The following ATRN variants were observed in gnomAD, a reference collection of about 807,000 sequenced individuals.
ATRN encodes attractin.
Under a neutral mutation model 178.7 loss-of-function variants are expected in ATRN, and 54 were observed. The ratio of observed to expected loss-of-function variants is 0.30; its 90% confidence interval spans 0.24 to 0.38. The LOEUF is 0.38. ATRN is among the 10% of genes least tolerant of loss of function. The probability of loss-of-function intolerance (pLI) is 1.00; values close to 1 mark genes in which losing one functional copy is unlikely to be tolerated. For synonymous variants in ATRN, 636 were observed against 663.0 expected, an observed-to-expected ratio of 0.96 and a Z score of 0.63; for missense variants, 1,443 against 1,815.1, an observed-to-expected ratio of 0.79 and a Z score of 3.73.
intron 1 of ATRN, chr20:3,490,146 G>A (rs2084766012): frequency 6.7e-7 from 1 of 1,494,058 alleles, no homozygotes; most frequent in Admixed American, 1.7e-5. Flanking sequence ...TGACTCCAGG[G>A]ACTTTCCTTT....
chr20:3,494,618 A>G (rs1291040067), intron 1 of ATRN, among the ~76,000 whole-genome samples: 3 of 152,196 alleles, frequency 2.0e-5, no homozygotes, highest in East Asian at 1.9e-4. Flanking sequence ...GAAAGAGTCA[A>G]TAATTTTTGG....
chr20:3,618,049 G>C (rs1479051414), intron 24 of ATRN, among the ~76,000 whole-genome samples: 2 of 152,204 alleles, frequency 1.3e-5, no homozygotes, highest in Non-Finnish European at 1.5e-5. Flanking sequence ...CCGCCCTTCA[G>C]TGGGCTATGG....
At chr20:3,504,690 TAATAATAA>T (rs1444847192) in intron 1 of ATRN, among the ~76,000 whole-genome samples, 1 of 12,742 alleles carries the variant, frequency 7.8e-5, no homozygotes, top group African/African-American at 9.3e-4. Context: ...TGTCTTAAGA[TAATAATAA>T]TAATAATAAT....
intron 3 of ATRN, 42 bp downstream of exon 3, chr20:3,540,377 T>C (rs767078489): frequency 7.8e-7 from 1 of 1,282,796 alleles, no homozygotes; most frequent in Non-Finnish European, 1.1e-6. Flanking sequence ...GTTTGATTTC[T>C]AAATTTAAAC....
intron 25 of ATRN, chr20:3,629,411 G>GTA (rs2086972946): frequency 1.6e-6 from 1 of 615,020 alleles, no homozygotes; most frequent in Admixed American, 6.3e-5. Flanking sequence ...CTGAGCATTT[G>GTA]TACATGCTTA....
In ATRN at chr20:3,650,768, C is replaced by CTAAT. The variant is rs2308145; in HGVS notation, c.*3923_*3926dup. ...CACTAGTGAAGCCTGTTTCGTTGAA[C>CTAAT]TAATTCTGGCTCTGGAAATGTTTTT... On this transcript the variant is annotated 3_prime_UTR_variant, in exon 29 of 29. Transcript: ENST00000262919. 22,432 of 152,630 alleles carry CTAAT rather than the reference C, an allele frequency of 0.15. 1,786 individuals carry two copies. Among genetic ancestry groups the CTAAT allele is most frequent in the Non-Finnish European group, 0.18 (12,265 of 67,988 alleles). 9.5% of individuals were successfully genotyped at this position (152,630 alleles called of 1,614,324 possible).
chr20:3,474,563 C>T (rs577176148), intron 1 of ATRN, among the ~76,000 whole-genome samples: 59 of 150,676 alleles, frequency 3.9e-4, no homozygotes, highest in Non-Finnish European at 6.9e-4. Context: ...AAAAATTAGC[C>T]GGGCGTGGTG....
intron 1 of ATRN, among the ~76,000 whole-genome samples, chr20:3,521,992 G>A (rs2146149835): frequency 6.6e-6 from 1 of 150,974 alleles, no homozygotes; most frequent in African/African-American, 2.4e-5. Context: ...GTCTCACTAT[G>A]TTGCCTAGGC....
chr20:3,489,831 A>C, intron 1 of ATRN: 1 of 1,254,072 alleles, frequency 8.0e-7, no homozygotes, highest in Non-Finnish European at 1.2e-6. Context: ...GTTGATATTT[A>C]GGCCATGAAG....
At position 3,591,169 on chromosome 20, in the gene ATRN, C is replaced by G; in HGVS notation, c.3185C>G (p.Ala1062Gly). The G allele has an allele frequency of 6.2e-7, 1 of 1,613,510 alleles. No individual in the cohort carries two copies. The highest frequency in any genetic ancestry group is 8.5e-7 in the Non-Finnish European group (1 of 1,179,678). Residue 1062 changes from alanine (A) to glycine (G), a missense_variant and splice_region_variant, in exon 19 of 29, where the codon GCT becomes GGT. Physicochemically the swap from Ala to Gly is moderately conservative, Grantham distance 60. Around this residue, in one of 4 missense-constraint regions of ATRN, gnomAD observed 80 missense variants for 71.5 expected, o/e 1.12. Transcript: ENST00000262919. ...RYNWSFIHCP[A>G]CQCNGHSKCI... ...CCCCTTGAAACTCTTTTTCTTGCAGCTTGCCAATGCAACGGCCACAGTAAA... is the reference window on the plus strand; with the variant it reads ...CCCCTTGAAACTCTTTTTCTTGCAGGTTGCCAATGCAACGGCCACAGTAAA...
chr20:3,622,529 A>G (rs2086904615), intron 24 of ATRN, among the ~76,000 whole-genome samples: 1 of 152,252 alleles, frequency 6.6e-6, no homozygotes, highest in South Asian at 2.1e-4. Context: ...GTAATTTTTA[A>G]CAGCACTCTC....
At chr20:3,558,313 ATACT>A in intron 6 of ATRN, among the ~76,000 whole-genome samples, 1 of 152,086 alleles carries the variant, frequency 6.6e-6, no homozygotes, top group Non-Finnish European at 1.5e-5. Flanking sequence ...TTCATTCTGT[ATACT>A]TATTCTTTAT....
At chr20:3,530,191 G>A (rs1306584094) in intron 1 of ATRN, among the ~76,000 whole-genome samples, 1 of 149,028 alleles carries the variant, frequency 6.7e-6, no homozygotes, top group Non-Finnish European at 1.5e-5. Context: ...TCTGAGTAGT[G>A]TGGTAGAGCA....
intron 12 of ATRN, among the ~76,000 whole-genome samples, chr20:3,574,454 G>A (rs1470147419): frequency 3.9e-5 from 6 of 152,190 alleles, no homozygotes; most frequent in African/African-American, 1.4e-4. Flanking sequence ...CGTTGAGGCT[G>A]CAGTGAGGCA....
chr20:3,521,475 A>T (rs1233861433), intron 1 of ATRN, among the ~76,000 whole-genome samples: 1 of 152,248 alleles, frequency 6.6e-6, no homozygotes, highest in Non-Finnish European at 1.5e-5. Flanking sequence ...GTGTTTAGCA[A>T]CAGAGTTCTA....
At chr20:3,526,050 G>A (rs903785641) in intron 1 of ATRN, among the ~76,000 whole-genome samples, 2 of 152,020 alleles carry the variant, frequency 1.3e-5, no homozygotes, top group South Asian at 2.1e-4. Context: ...TTTTGGCCAG[G>A]GCAATCAGAC....
At chr20:3,498,522 T>C (rs1013885941) in intron 1 of ATRN, among the ~76,000 whole-genome samples, 1 of 151,796 alleles carries the variant, frequency 6.6e-6, no homozygotes, top group Non-Finnish European at 1.5e-5. Context: ...GCAAGGCTGG[T>C]TCAATATACG....
rs2087044237 is a variant in ATRN at position 3,638,742 on chromosome 20, G to T, written c.3943-86G>T. ...GACTTGATTTGTTTGAATCAGGGAG[G>T]ATGAGGTGTTTTTAACATGTAGCAT... On this transcript the variant is annotated intron_variant, in intron 26 of 28. Coordinates refer to ENST00000262919, the MANE Select transcript of ATRN (RefSeq NM_139321.3). The surrounding 1 kb of genome is among the most constrained non-coding windows in gnomAD (Gnocchi z 4.5). 1 of 1,088,374 alleles carries T rather than the reference G, an allele frequency of 9.2e-7. No homozygotes were observed. Among genetic ancestry groups the T allele is most frequent in the Non-Finnish European group, 1.4e-6 (1 of 733,688 alleles). 67.4% of individuals were successfully genotyped at this position (1,088,374 alleles called of 1,614,324 possible).
At position 3,576,934 on chromosome 20, in the gene ATRN, A is replaced by G. The variant is rs1461072179; in HGVS notation, c.2290A>G (p.Ser764Gly). The G allele has an allele frequency of 6.2e-7, 1 of 1,614,120 alleles. No homozygotes were observed. The highest frequency in any genetic ancestry group is 8.5e-7 in the Non-Finnish European group (1 of 1,180,016). The change falls in exon 14 of 29, where the codon AGC becomes GGC. Residue 764 changes from serine (S) to glycine (G), a missense_variant. Coordinates refer to ENST00000262919, the MANE Select transcript of ATRN (RefSeq NM_139321.3). The part of the protein sequence containing the change: ...YYCNKKTSCR[S>G]CALDQNCQWE... ...CTGTAACAAGAAGACCAGCTGCAGG[A>G]GCTGTGCCCTGGACCAGAACTGCCA...
Sources: gnomAD v4.1 joint callset for allele counts (sites outside exome capture counted in the v4.1 genomes callset) on GRCh38, gnomAD v4.1.1 for gene constraint, gnomAD v4.1.1 regional missense constraint, Gnocchi (gnomAD v3.1) non-coding constraint, MANE v1.5 for transcripts, NCBI Gene and HGNC (gene_info 2026-07-23, HGNC 2026-07-21) for gene names.